TMEM108: variants seen among roughly 807,000 people sequenced by gnomAD.
The protein encoded by TMEM108 is transmembrane protein 108, also known as cancer/testis antigen 124.
In TMEM108, 12 loss-of-function variants were observed where a neutral mutation model predicts 35.1. The observed-to-expected ratio is 0.34, with a 90% CI of 0.22 to 0.55. The LOEUF (loss-of-function observed/expected upper bound fraction) is 0.55, where lower values mean the gene tolerates loss of function less well. Among genes scored for constraint, TMEM108 ranks in the 20% least tolerant of loss-of-function variants. The probability of loss-of-function intolerance (pLI) is 0.89; values close to 1 mark genes in which losing one functional copy is unlikely to be tolerated. For synonymous variants in TMEM108, 287 were observed against 308.6 expected (o/e 0.93, Z 0.73); for missense variants, 680 against 753.3 (o/e 0.90, Z 1.14).
At chr3:133,251,734 A>G (rs1946474966) in intron 3 of TMEM108, among the ~76,000 whole-genome samples, 1 of 152,146 alleles carries the variant, frequency 6.6e-6, no homozygotes, top group South Asian at 2.1e-4. Context: ...ATCTAGATGC[A>G]AGAGGACAAG....
Position 133,062,847 on chromosome 3 carries a change from T to C in TMEM108, c.-47+16827T>C, listed in dbSNP as rs556863668. On this transcript the variant is annotated intron_variant, in intron 2 of 5. Transcript: ENST00000321871. ...GTGTTTTTCTCCCTCTGGGCCTTCATGTGTATGAGTGGAGTGTTGAAGTGA... is the reference window on the plus strand; with the variant it reads ...GTGTTTTTCTCCCTCTGGGCCTTCACGTGTATGAGTGGAGTGTTGAAGTGA... 1.7e-3 allele frequency among the ~76,000 whole-genome samples: 258 copies of C among 152,298 alleles called. 1 individual carries two copies. Among genetic ancestry groups the C allele is most frequent in the African/African-American group, 6.0e-3 (250 of 41,550 alleles).
At chr3:133,282,151 C>T (rs548975225) in intron 3 of TMEM108, among the ~76,000 whole-genome samples, 2 of 151,884 alleles carry the variant, frequency 1.3e-5, no homozygotes, top group African/African-American at 4.8e-5. Context: ...AGCGAGACTC[C>T]GTCTCAAAAA....
intron 3 of TMEM108, among the ~76,000 whole-genome samples, chr3:133,363,226 C>T (rs2072407017): frequency 6.6e-6 from 1 of 152,166 alleles, no homozygotes; most frequent in Non-Finnish European, 1.5e-5. Flanking sequence ...AGATCCGAAT[C>T]ACCTGGACAC....
intron 2 of TMEM108, among the ~76,000 whole-genome samples, chr3:133,082,909 C>T (rs745454738): frequency 2.6e-5 from 4 of 152,176 alleles, no homozygotes; most frequent in Non-Finnish European, 5.9e-5. Flanking sequence ...TTACCTCGGC[C>T]TCCAAAAGTG....
At chr3:133,260,409 C>T (rs1424041438) in intron 3 of TMEM108, among the ~76,000 whole-genome samples, 2 of 152,110 alleles carry the variant, frequency 1.3e-5, no homozygotes, top group African/African-American at 2.4e-5. Flanking sequence ...ATCTCAGAAT[C>T]GATGACATTA....
chr3:133,098,960 G>A (rs898998895), intron 2 of TMEM108, among the ~76,000 whole-genome samples: 1 of 152,174 alleles, frequency 6.6e-6, no homozygotes, highest in South Asian at 2.1e-4. Context: ...TCTTCTCACA[G>A]CTCCACTAGG....
At chr3:133,223,654 G>A (rs114991025) in intron 2 of TMEM108, among the ~76,000 whole-genome samples, 3 of 152,070 alleles carry the variant, frequency 2.0e-5, no homozygotes, top group Non-Finnish European at 2.9e-5. Context: ...CCAAAGCAGC[G>A]CAATTGACCC....
At chr3:133,082,278 G>C (rs1158022315) in intron 2 of TMEM108, among the ~76,000 whole-genome samples, 1 of 152,142 alleles carries the variant, frequency 6.6e-6, no homozygotes, top group Non-Finnish European at 1.5e-5. Context: ...TCACAATGAT[G>C]GTGCATAACT....
intron 2 of TMEM108, among the ~76,000 whole-genome samples, chr3:133,053,999 G>C (rs1316738255): frequency 1.3e-5 from 2 of 152,152 alleles, no homozygotes; most frequent in Non-Finnish European, 2.9e-5. Flanking sequence ...GGTCCAAACA[G>C]CTGTGATTTA....
At chr3:133,330,362 A>G (rs2071381483) in intron 3 of TMEM108, among the ~76,000 whole-genome samples, 1 of 152,170 alleles carries the variant, frequency 6.6e-6, no homozygotes, top group Non-Finnish European at 1.5e-5. Flanking sequence ...GAAAAGGTTA[A>G]GCAGGAGGGA....
At chr3:133,066,784 T>G (rs1429414939) in intron 2 of TMEM108, among the ~76,000 whole-genome samples, 1 of 152,218 alleles carries the variant, frequency 6.6e-6, no homozygotes, top group African/African-American at 2.4e-5. Context: ...GCCCCCAATG[T>G]GCTCTTTACC....
At chr3:133,204,141 G>T (rs1576380603) in intron 2 of TMEM108, among the ~76,000 whole-genome samples, 3 of 151,754 alleles carry the variant, frequency 2.0e-5, no homozygotes, top group Non-Finnish European at 4.4e-5. Context: ...AGTGGTGACT[G>T]ATCCTCTCTA....
chr3:133,153,940 A>G (rs916637567), intron 2 of TMEM108, among the ~76,000 whole-genome samples: 1 of 152,134 alleles, frequency 6.6e-6, no homozygotes, highest in African/African-American at 2.4e-5. Context: ...ACAAATACAA[A>G]ACTTTGTATT....
chr3:133,131,854 C>T (rs1380435410), intron 2 of TMEM108, among the ~76,000 whole-genome samples: 2 of 151,972 alleles, frequency 1.3e-5, no homozygotes, highest in African/African-American at 2.4e-5. Flanking sequence ...AGCCTTACTG[C>T]TGATAGGGAG....
At chr3:133,363,509 G>C (rs953300490) in intron 3 of TMEM108, among the ~76,000 whole-genome samples, 1 of 151,598 alleles carries the variant, frequency 6.6e-6, no homozygotes, top group Non-Finnish European at 1.5e-5. Context: ...GGGCTCAAGC[G>C]ATCCTCCCAC....
At chr3:133,086,311 T>C in intron 2 of TMEM108, among the ~76,000 whole-genome samples, 1 of 152,064 alleles carries the variant, frequency 6.6e-6, no homozygotes, top group African/African-American at 2.4e-5. Flanking sequence ...CTTTTTTTTT[T>C]CTTTTGCCAT....
At chr3:133,359,590 C>T (rs537381893) in intron 3 of TMEM108, among the ~76,000 whole-genome samples, 9 of 152,272 alleles carry the variant, frequency 5.9e-5, no homozygotes, top group Non-Finnish European at 1.0e-4. Flanking sequence ...ACTGGTAATG[C>T]TACTCACCTT....
At chr3:133,298,857 T>A (rs1440591718) in intron 3 of TMEM108, among the ~76,000 whole-genome samples, 1 of 152,178 alleles carries the variant, frequency 6.6e-6, no homozygotes, top group Non-Finnish European at 1.5e-5. Context: ...TGCTTATAGT[T>A]TTTTATAATT....
rs749619363 is a variant in TMEM108 at position 133,380,179 on chromosome 3, G to GC, written c.475dup (p.Arg159ProfsTer20). On this transcript the variant is annotated frameshift_variant, in exon 4 of 6. Transcript: ENST00000321871. LOFTEE classifies it high-confidence loss of function. The surrounding 1 kb of genome is among the most constrained non-coding windows in gnomAD (Gnocchi z 5.3). ...GGGCCACCAGCCGCCCCACCACAGC[G>GC]CCCCCCCGCACTACCACACGCAGGC... The GC allele has an allele frequency of 3.5e-5, 57 of 1,610,788 alleles. No homozygotes were observed. Among genetic ancestry groups the GC allele is most frequent in the Admixed American group, 3.3e-5 (2 of 59,720 alleles).
Sources: gnomAD v4.1 joint callset for allele counts (sites outside exome capture counted in the v4.1 genomes callset) on GRCh38, gnomAD v4.1.1 for gene constraint, Gnocchi (gnomAD v3.1) non-coding constraint, MANE v1.5 for transcripts, NCBI Gene and HGNC (gene_info 2026-07-23, HGNC 2026-07-21) for gene names.